SEMA5A: variants seen among roughly 807,000 people sequenced by gnomAD.
SEMA5A encodes the protein semaphorin 5A.
A neutral mutation model predicts 135.5 loss-of-function variants in SEMA5A; 55 were observed. That is an observed-to-expected ratio of 0.41 (90% CI 0.33 to 0.51). The LOEUF (loss-of-function observed/expected upper bound fraction) is 0.51, where lower values mean the gene tolerates loss of function less well. Ranked by LOEUF, SEMA5A falls within the 20% of genes least tolerant of loss-of-function variation. The pLI is 0.37. For synonymous variants in SEMA5A, 580 were observed against 546.5 expected (o/e 1.06, Z -0.85); for missense variants, 1,290 against 1,419.9 (o/e 0.91, Z 1.47).
intron 5 of SEMA5A, among the ~76,000 whole-genome samples, chr5:9,282,089 A>C (rs1337905451): frequency 6.6e-6 from 1 of 152,022 alleles, no homozygotes; most frequent in Admixed American, 6.6e-5. Context: ...GGGATTACAG[A>C]CGTGAGCCAC....
rs567557057 is a variant in SEMA5A at position 9,154,141 on chromosome 5, A to G, written c.1481+347T>C. 9.5e-3 allele frequency among the ~76,000 whole-genome samples: 1,347 copies of G among 141,896 alleles called. 22 individuals are homozygous for G. Among genetic ancestry groups the G allele is most frequent in the African/African-American group, 0.032 (1,210 of 37,786 alleles). 93.1% of individuals were successfully genotyped at this position (141,896 alleles called of 152,430 possible). Reference sequence around the variant, plus strand: ...TATGTATGTATGTGTGTGTGTGTATATATATATACATATATATAAGCTTGT... The same window carrying G: ...TATGTATGTATGTGTGTGTGTGTATGTATATATACATATATATAAGCTTGT... On this transcript the variant is annotated intron_variant, in intron 12 of 22. Coordinates refer to ENST00000382496, the MANE Select transcript of SEMA5A (RefSeq NM_003966.3).
At chr5:9,518,379 C>T (rs1180838635) in intron 1 of SEMA5A, among the ~76,000 whole-genome samples, 2 of 152,172 alleles carry the variant, frequency 1.3e-5, no homozygotes, top group Middle Eastern at 3.2e-3. Context: ...GGTGGCCTAT[C>T]ACCAATGTTA....
intron 1 of SEMA5A, among the ~76,000 whole-genome samples, chr5:9,524,558 T>C (rs1393411666): frequency 1.3e-5 from 2 of 152,166 alleles, no homozygotes; most frequent in Admixed American, 6.5e-5. Flanking sequence ...TGAACCAATC[T>C]GCTAACAACT....
intron 5 of SEMA5A, among the ~76,000 whole-genome samples, chr5:9,299,739 C>T (rs1274127843): frequency 6.6e-6 from 1 of 152,176 alleles, no homozygotes; most frequent in African/African-American, 2.4e-5. Context: ...TCTCTGCTCT[C>T]CCAACTGAAA....
chr5:9,386,017 G>A (rs1469660322), intron 2 of SEMA5A, among the ~76,000 whole-genome samples: 5 of 152,030 alleles, frequency 3.3e-5, no homozygotes, highest in African/African-American at 9.7e-5. Flanking sequence ...GGTCAGGCTA[G>A]TCTTGAACTC....
At chr5:9,376,697 G>T (rs937941538) in intron 3 of SEMA5A, among the ~76,000 whole-genome samples, 3 of 152,088 alleles carry the variant, frequency 2.0e-5, no homozygotes, top group African/African-American at 7.2e-5. Context: ...TTCATTGAAG[G>T]TTCACTCCGA....
At position 9,313,308 on chromosome 5, in the gene SEMA5A, G is replaced by A. The variant is rs868254255; in HGVS notation, c.270+5064C>T. Among the ~76,000 whole-genome samples the A allele has an allele frequency of 7.9e-5, 12 of 152,216 alleles. No homozygotes were observed. In the South Asian group the frequency reaches 8.3e-4, roughly 11 times the overall value. ...GTCAGGAGTTGCCTGTCTCATCCAC[G>A]AATTGTCCCCTGGGGTGACAGTATG... On this transcript the variant is annotated intron_variant, in intron 5 of 22. Coordinates refer to ENST00000382496, the MANE Select transcript of SEMA5A (RefSeq NM_003966.3).
chr5:9,053,132 GA>G lies in SEMA5A; in HGVS notation c.2689+954del, dbSNP rs139814625. ...CAATGTCAAAGTTAGACCAAGAAAA[GA>G]ATAGCTCATTTTCATTCCAGGTCAT... On this transcript the variant is annotated intron_variant, in intron 19 of 22. Coordinates refer to ENST00000382496, the MANE Select transcript of SEMA5A (RefSeq NM_003966.3). Among the ~76,000 whole-genome samples, 1,264 of 152,312 alleles carry G rather than the reference GA, an allele frequency of 8.3e-3. 19 individuals are homozygous for G. The highest frequency in any genetic ancestry group is 0.029 in the African/African-American group (1,196 of 41,568).
intron 5 of SEMA5A, among the ~76,000 whole-genome samples, chr5:9,246,602 G>A (rs1432457050): frequency 6.6e-6 from 1 of 152,140 alleles, no homozygotes; most frequent in East Asian, 1.9e-4. Flanking sequence ...CATATGTAGA[G>A]ATATTCCAAA....
intron 4 of SEMA5A, among the ~76,000 whole-genome samples, chr5:9,333,445 C>A (rs115890613): frequency 1.3e-5 from 2 of 152,170 alleles, no homozygotes; most frequent in African/African-American, 2.4e-5. Context: ...CAGAGTAATT[C>A]GGGATGGAAT....
intron 2 of SEMA5A, among the ~76,000 whole-genome samples, chr5:9,435,273 A>C (rs964214483): frequency 1.3e-5 from 2 of 152,202 alleles, no homozygotes; most frequent in African/African-American, 4.8e-5. Flanking sequence ...GCAAACTAAC[A>C]GTGTCACATT....
At chr5:9,228,417 G>A (rs1041418360) in intron 6 of SEMA5A, among the ~76,000 whole-genome samples, 4 of 152,174 alleles carry the variant, frequency 2.6e-5, no homozygotes, top group Non-Finnish European at 4.4e-5. Flanking sequence ...AAAGCATGGC[G>A]CTCTCATTGT....
intron 15 of SEMA5A, among the ~76,000 whole-genome samples, chr5:9,113,118 T>C (rs1193571496): frequency 6.6e-6 from 1 of 152,152 alleles, no homozygotes; most frequent in Non-Finnish European, 1.5e-5. Flanking sequence ...TGTGAGAACC[T>C]GAAGCTGTGC....
chr5:9,122,473 G>A (rs757048683), intron 14 of SEMA5A, among the ~76,000 whole-genome samples, 183 bp downstream of exon 14: 1 of 152,090 alleles, frequency 6.6e-6, no homozygotes, highest in East Asian at 1.9e-4. Context: ...GCGTAGATCT[G>A]TAATCCAATT....
chr5:9,116,992 A>C (rs993491737), intron 15 of SEMA5A, among the ~76,000 whole-genome samples: 5 of 152,310 alleles, frequency 3.3e-5, no homozygotes, highest in African/African-American at 9.6e-5. Flanking sequence ...GAAAAGCTTA[A>C]ATTCTATAAA....
intron 2 of SEMA5A, among the ~76,000 whole-genome samples, chr5:9,422,680 G>A (rs1441773903): frequency 6.6e-6 from 1 of 151,994 alleles, no homozygotes; most frequent in East Asian, 1.9e-4. Context: ...TTTTTGTTAG[G>A]TGGCTGGAAA....
At chr5:9,127,735 G>T (rs148075244) in intron 13 of SEMA5A, among the ~76,000 whole-genome samples, 69 of 152,266 alleles carry the variant, frequency 4.5e-4, no homozygotes, top group African/African-American at 1.6e-3. Flanking sequence ...GGACAAATTA[G>T]AGAATTTGAG....
intron 4 of SEMA5A, among the ~76,000 whole-genome samples, chr5:9,334,986 A>C (rs973446733): frequency 2.6e-5 from 4 of 152,074 alleles, no homozygotes; most frequent in Non-Finnish European, 5.9e-5. Context: ...GACCTCCAGG[A>C]ATGAGGTCTG....
chr5:9,199,922 T>A (rs1265853857), intron 9 of SEMA5A, among the ~76,000 whole-genome samples: 2 of 152,134 alleles, frequency 1.3e-5, no homozygotes, highest in African/African-American at 4.8e-5. Flanking sequence ...ATGGTTATCT[T>A]TTCCCCATTC....
Sources: allele counts gnomAD v4.1 joint callset (sites outside exome capture counted in the v4.1 genomes callset), GRCh38; gene constraint gnomAD v4.1.1; transcripts MANE v1.5; gene names NCBI Gene and HGNC (gene_info 2026-07-23, HGNC 2026-07-21).